Variants in VWF observed in about 807,000 individuals in gnomAD.
The protein encoded by VWF is von Willebrand factor.
A neutral mutation model predicts 308.6 loss-of-function variants in VWF; 176 were observed. The ratio of observed to expected loss-of-function variants is 0.57; its 90% confidence interval spans 0.50 to 0.65. VWF has a LOEUF of 0.65. Ranked by LOEUF, VWF falls within the 30% of genes least tolerant of loss-of-function variation. The pLI is 0.00. For synonymous variants in VWF, 1,385 were observed against 1,443.4 expected (o/e 0.96, Z 0.92); for missense variants, 3,146 against 3,648.2 (o/e 0.86, Z 3.55).
chr12:5,963,809 A>T (rs888805265), intron 47 of VWF, among the ~76,000 whole-genome samples: 1 of 152,226 alleles, frequency 6.6e-6, no homozygotes. Context: ...TTATATCTGC[A>T]TCGGACAAAG....
At chr12:5,952,922 A>G (rs1943208957) in intron 48 of VWF, among the ~76,000 whole-genome samples, 1 of 152,150 alleles carries the variant, frequency 6.6e-6, no homozygotes, top group Non-Finnish European at 1.5e-5. Flanking sequence ...AGGGTAGAGA[A>G]AATCTTAAAG....
At chr12:6,108,338 C>T (rs11064027) in intron 5 of VWF, among the ~76,000 whole-genome samples, 186 of 122,538 alleles carry the variant, frequency 1.5e-3, no homozygotes, top group African/African-American at 6.5e-3. Context: ...AATATATACA[C>T]ACACACACAC....
In VWF at chr12:6,110,685, G is replaced by A. The variant is rs74739279; in HGVS notation, c.324-103C>T. 599 of 1,405,048 alleles carry A rather than the reference G, an allele frequency of 4.3e-4. 4 individuals carry two copies. The African/African-American group carries it at 7.6e-3, about 18-fold the overall frequency. 87.0% of individuals were successfully genotyped at this position (1,405,048 alleles called of 1,614,324 possible). A position where few individuals can be genotyped will look rare whatever the true frequency, so the allele number is the denominator to read the frequency against. ...CCCATGTTGTAGGGTTCAGAACATGGTGCAAAGTGGCTGAGGACCTAGATC... is the reference window on the plus strand; with the variant it reads ...CCCATGTTGTAGGGTTCAGAACATGATGCAAAGTGGCTGAGGACCTAGATC... On this transcript the variant is annotated intron_variant, in intron 4 of 51. Transcript: ENST00000261405.
At chr12:6,111,118 C>T (rs1045401585) in intron 3 of VWF, 150 bp from the exon 4 acceptor site, 1 of 687,252 alleles carries the variant, frequency 1.5e-6, no homozygotes, top group Admixed American at 2.4e-5. Context: ...CCCTAAAAAT[C>T]TCATTTTCTC....
At chr12:6,121,016 G>A (rs1437245138) in intron 3 of VWF, among the ~76,000 whole-genome samples, 158 bp downstream of exon 3, 1 of 152,200 alleles carries the variant, frequency 6.6e-6, no homozygotes, top group Non-Finnish European at 1.5e-5. Flanking sequence ...GGAAAGCCAA[G>A]AGGGGCTACG....
chr12:5,978,476 C>T (rs1248016492), intron 42 of VWF, among the ~76,000 whole-genome samples: 1 of 152,144 alleles, frequency 6.6e-6, no homozygotes, highest in Admixed American at 6.5e-5. Context: ...TGTTGGCCAG[C>T]TGGTCTTGAA....
chr12:6,056,862 C>T lies in VWF; in HGVS notation c.1940G>A (p.Arg647His), dbSNP rs762909392. Reference protein sequence around the residue: ...GVRVAWREPGRCELNCPKGQV... With the variant: ...GVRVAWREPGHCELNCPKGQV... ...CGGGCAGGGAGGGCACGCACCACAG[C>T]GGCCTGGCTCGCGCCACGCGACGCG... The change falls in exon 15 of 52, where the codon CGC (arginine) becomes CAC (histidine). Residue 647 changes from arginine (R) to histidine (H), a missense_variant. Physicochemically the swap from Arg to His is conservative, Grantham distance 29. Transcript: ENST00000261405. 5.6e-6 allele frequency: 8 copies of T among 1,432,980 alleles called. No individual in the cohort carries two copies. Among genetic ancestry groups the T allele is most frequent in the South Asian group, 1.5e-5 (1 of 67,170 alleles). The allele number at this position is 1,432,980 out of a possible 1,614,324, so 88.8% of individuals were successfully genotyped here.
At chr12:6,008,654 G>A (rs143856622) in intron 34 of VWF, among the ~76,000 whole-genome samples, 10 of 152,244 alleles carry the variant, frequency 6.6e-5, no homozygotes, top group African/African-American at 1.9e-4. Flanking sequence ...AACATAGTAC[G>A]AGAAGTCTTA....
chr12:5,992,094 G>C, intron 37 of VWF, 76 bp from the exon 38 acceptor site: 4 of 1,403,070 alleles, frequency 2.9e-6, no homozygotes, highest in Non-Finnish European at 4.0e-6. Context: ...ATTCAACATG[G>C]TTAATCATCA....
At chr12:6,037,767 C>T (rs371339860) in intron 18 of VWF, among the ~76,000 whole-genome samples, 5 of 152,298 alleles carry the variant, frequency 3.3e-5, no homozygotes, top group South Asian at 4.1e-4. Flanking sequence ...TCCAGCTCCA[C>T]GTGACCCAGT....
rs1001706737 is a variant in VWF at position 5,964,779 on chromosome 12, G to A, written c.7887+2707C>T. ...GGAGGCAAAATCCCCACAGCAGGAG[G>A]CAGAGGGCAAAGTTAGGCCAAGAAA... On this transcript the variant is annotated intron_variant, in intron 47 of 51. Transcript: ENST00000261405. Among the ~76,000 whole-genome samples the A allele has an allele frequency of 2.0e-5, 3 of 152,330 alleles. No homozygotes were observed. In the Middle Eastern group the frequency reaches 0.01, roughly 518 times the overall value.
intron 18 of VWF, among the ~76,000 whole-genome samples, chr12:6,038,664 C>G (rs1007679830): frequency 1.3e-5 from 2 of 152,254 alleles, no homozygotes; most frequent in Non-Finnish European, 2.9e-5. Flanking sequence ...TGAGCACCCA[C>G]TGCAAACCAC....
At position 6,018,465 on chromosome 12, in the gene VWF, G is replaced by A. The variant is rs564190961; in HGVS notation, c.4953C>T (p.Ile1651=). The change falls in exon 28 of 52, where the codon ATC becomes ATT. Residue 1651 remains isoleucine, a synonymous_variant. Coordinates refer to ENST00000261405, the MANE Select transcript of VWF (RefSeq NM_000552.5). ...RIGWPNAPIL[I]QDFETLPREA... is the part of the protein sequence containing the mutation. ...CTCGGGGGAGCGTCTCAAAGTCCTG[G>A]ATGAGGATAGGGGCATTGGGCCAGC... 1.0e-4 allele frequency: 161 copies of A among 1,613,382 alleles called. 2 individuals carry two copies. The South Asian group carries it at 1.7e-3, about 17-fold the overall frequency.
At chr12:5,994,701 A>T in intron 35 of VWF, 94 bp from the exon 36 acceptor site, 2 of 1,083,880 alleles carry the variant, frequency 1.8e-6, no homozygotes. Flanking sequence ...CATTCATCAC[A>T]CTCAACTGCA....
intron 41 of VWF, 150 bp downstream of exon 41, chr12:5,983,000 C>A: frequency 9.0e-6 from 7 of 780,272 alleles, no homozygotes; most frequent in Non-Finnish European, 1.3e-5. Flanking sequence ...TGACCCTAAC[C>A]CCTCTGTTCC....
chr12:6,106,648 G>A (rs906530317), intron 5 of VWF, among the ~76,000 whole-genome samples: 5 of 152,014 alleles, frequency 3.3e-5, no homozygotes, highest in African/African-American at 1.2e-4. Flanking sequence ...CTAAGCGGAG[G>A]CGGATCACCT....
chr12:6,104,933 C>T (rs115404354), intron 5 of VWF, among the ~76,000 whole-genome samples: 2 of 152,088 alleles, frequency 1.3e-5, no homozygotes, highest in Admixed American at 6.6e-5. Context: ...AGAATGAAAT[C>T]GCATCTTTTG....
intron 3 of VWF, among the ~76,000 whole-genome samples, chr12:6,116,079 C>T (rs1945362525): frequency 6.6e-6 from 1 of 152,176 alleles, no homozygotes; most frequent in South Asian, 2.1e-4. Context: ...TCAGGGGCAT[C>T]AGATGATGTG....
At chr12:5,983,622 CAGAT>C (rs1478097052) in intron 40 of VWF, among the ~76,000 whole-genome samples, 101 of 150,626 alleles carry the variant, frequency 6.7e-4, no homozygotes, top group Admixed American at 1.3e-3. Flanking sequence ...GGTAGATAGA[CAGAT>C]AGATATAGAA....
Sources: allele counts gnomAD v4.1 joint callset (sites outside exome capture counted in the v4.1 genomes callset), GRCh38; gene constraint gnomAD v4.1.1; transcripts MANE v1.5; gene names NCBI Gene and HGNC (gene_info 2026-07-23, HGNC 2026-07-21).